Variants in PAMR1 observed in about 807,000 individuals in gnomAD.
The protein encoded by PAMR1 is peptidase domain containing associated with muscle regeneration 1.
In PAMR1, 88 loss-of-function variants were observed where a neutral mutation model predicts 81.8. The observed-to-expected ratio is 1.08, with a 90% CI of 0.91 to 1.28. The LOEUF is 1.28. Ranked by LOEUF, PAMR1 falls within the 50% of genes most tolerant of loss-of-function variation. PAMR1 has a pLI of 0.00. For synonymous variants in PAMR1, 336 were observed against 345.3 expected, an observed-to-expected ratio of 0.97 and a Z score of 0.30; for missense variants, 935 against 919.7, an observed-to-expected ratio of 1.02 and a Z score of -0.21.
At chr11:35,472,767 A>C (rs772376333) in intron 4 of PAMR1, among the ~76,000 whole-genome samples, 1 of 152,184 alleles carries the variant, frequency 6.6e-6, no homozygotes, top group Non-Finnish European at 1.5e-5. Context: ...CGAGAAACTG[A>C]AAGAAAGCCA....
chr11:35,434,839 C>T (rs1856002129), intron 9 of PAMR1, 35 bp from the exon 10 acceptor site: 2 of 1,590,704 alleles, frequency 1.3e-6, no homozygotes, highest in Non-Finnish European at 1.7e-6. Flanking sequence ...AAGATAAACT[C>T]AGACTTTGCC....
chr11:35,437,597 G>A (rs1367862928), intron 8 of PAMR1, among the ~76,000 whole-genome samples: 2 of 152,232 alleles, frequency 1.3e-5, no homozygotes, highest in African/African-American at 4.8e-5. Flanking sequence ...GGAGGTGGCT[G>A]CTGGAGATAG....
upstream of PAMR1, among the ~76,000 whole-genome samples, chr11:35,526,584 A>G (rs973742576): frequency 3.8e-4 from 58 of 152,256 alleles, no homozygotes; most frequent in Non-Finnish European, 1.6e-4. Context: ...TTTTACAATT[A>G]GAGAAACGGA....
At chr11:35,499,966 G>A (rs961710828) in intron 1 of PAMR1, among the ~76,000 whole-genome samples, 2 of 152,172 alleles carry the variant, frequency 1.3e-5, no homozygotes, top group Non-Finnish European at 2.9e-5. Flanking sequence ...GAGGTGTGCC[G>A]ACAGAAATGG....
intron 10 of PAMR1, among the ~76,000 whole-genome samples, chr11:35,433,754 G>A (rs1411193309): frequency 6.6e-6 from 1 of 150,858 alleles, no homozygotes; most frequent in Non-Finnish European, 1.5e-5. Flanking sequence ...ATGGATGGAT[G>A]GATGGATGGA....
At chr11:35,457,765 A>G (rs1037211142) in intron 6 of PAMR1, among the ~76,000 whole-genome samples, 1 of 152,184 alleles carries the variant, frequency 6.6e-6, no homozygotes, top group African/African-American at 2.4e-5. Flanking sequence ...ATAAGACTGC[A>G]TTATCAAGGA....
chr11:35,496,688 A>G (rs663074), intron 1 of PAMR1, among the ~76,000 whole-genome samples: 116,603 of 152,162 alleles, frequency 0.77, 45,084 homozygotes, highest in Middle Eastern at 0.81. Context: ...TGCAGCCCCT[A>G]TGGAAAACAG....
chr11:35,525,581 T>C lies in PAMR1; in HGVS notation c.5A>G (p.Glu2Gly), dbSNP rs774384568. The change falls in exon 1 of 11, where the codon GAG (glutamate) becomes GGG (glycine). Residue 2 changes from glutamate (E) to glycine (G), a missense_variant. Transcript: ENST00000619888. M[E>G]LGCWTQLGLT... ...CCCCAACTGCGTCCAGCAACCCAGC[T>C]CCATCCTTGCCGCGGCTGGTGCCCG... The C allele has an allele frequency of 1.2e-6, 2 of 1,613,656 alleles. No individual in the cohort carries two copies. Among genetic ancestry groups the C allele is most frequent in the Admixed American group, 1.7e-5 (1 of 59,998 alleles).
chr11:35,501,805 G>T (rs530248896), intron 1 of PAMR1, among the ~76,000 whole-genome samples: 26 of 152,124 alleles, frequency 1.7e-4, no homozygotes, highest in Admixed American at 1.4e-3. Flanking sequence ...TTATATATAG[G>T]CACCACATTT....
intron 6 of PAMR1, among the ~76,000 whole-genome samples, chr11:35,458,847 T>C (rs1401852871): frequency 6.6e-6 from 1 of 152,224 alleles, no homozygotes; most frequent in Non-Finnish European, 1.5e-5. Flanking sequence ...TGGCCTCTCT[T>C]CTCTTCCTCA....
intron 3 of PAMR1, among the ~76,000 whole-genome samples, chr11:35,480,478 T>C (rs1283841763): frequency 6.6e-6 from 1 of 152,226 alleles, no homozygotes; most frequent in Non-Finnish European, 1.5e-5. Flanking sequence ...TTGGTTGATT[T>C]CTATTGAACT....
At chr11:35,463,723 G>A (rs925853122) in intron 6 of PAMR1, among the ~76,000 whole-genome samples, 10 of 152,186 alleles carry the variant, frequency 6.6e-5, no homozygotes, top group African/African-American at 1.7e-4. Context: ...CCCAGGCACC[G>A]GGGGAAGTTT....
At chr11:35,476,471 C>T (rs1461785176) in intron 3 of PAMR1, among the ~76,000 whole-genome samples, 5 of 152,148 alleles carry the variant, frequency 3.3e-5, no homozygotes, top group African/African-American at 1.2e-4. Context: ...TCGCTTGGCA[C>T]TTCTCTCTCC....
intron 6 of PAMR1, among the ~76,000 whole-genome samples, chr11:35,448,712 A>G (rs1218623773): frequency 1.3e-5 from 2 of 152,210 alleles, no homozygotes; most frequent in Admixed American, 1.3e-4. Context: ...TTTGGAAGAG[A>G]AGAGACGCTC....
intron 6 of PAMR1, chr11:35,451,831 C>T: frequency 4.6e-6 from 3 of 657,490 alleles, no homozygotes; most frequent in South Asian, 1.7e-5. Flanking sequence ...GCTCTCCCAC[C>T]CTCCTTCTGC....
intron 1 of PAMR1, among the ~76,000 whole-genome samples, chr11:35,504,436 A>C (rs561580175): frequency 1.5e-4 from 23 of 152,220 alleles, no homozygotes; most frequent in African/African-American, 5.5e-4. Flanking sequence ...TTTTTGGTAG[A>C]GTTTAAGGAA....
chr11:35,472,057 G>A (rs767890727), intron 4 of PAMR1, among the ~76,000 whole-genome samples: 4 of 152,290 alleles, frequency 2.6e-5, no homozygotes, highest in African/African-American at 4.8e-5. Context: ...TCCAATAACC[G>A]AGTTTCATCA....
intron 6 of PAMR1, among the ~76,000 whole-genome samples, chr11:35,465,060 G>A (rs1471410714): frequency 6.6e-6 from 1 of 152,178 alleles, no homozygotes; most frequent in East Asian, 1.9e-4. Flanking sequence ...AGCAAGTGTC[G>A]TGTCTGAGAG....
rs1307233445 is a variant in PAMR1, at chr11:35,432,320, T to C, written c.*36A>G. The C allele has an allele frequency of 6.4e-7, 1 of 1,572,784 alleles. No individual in the cohort carries two copies. ...GCAATGACACACGTACAGACGGATA[T>C]ACAGAAACACTTCTCAAGGAGTGCA... On this transcript the variant is annotated 3_prime_UTR_variant, in exon 11 of 11. Transcript: ENST00000619888.
Sources: allele counts gnomAD v4.1 joint callset (sites outside exome capture counted in the v4.1 genomes callset), GRCh38; gene constraint gnomAD v4.1.1; transcripts MANE v1.5; gene names NCBI Gene and HGNC (gene_info 2026-07-23, HGNC 2026-07-21).